PTCD1: variants seen among roughly 807,000 people sequenced by gnomAD.
PTCD1 encodes the protein pentatricopeptide repeat-containing protein 1, mitochondrial.
In PTCD1, 50 loss-of-function variants were observed where a neutral mutation model predicts 53.4. The observed-to-expected ratio is 0.94, with a 90% CI of 0.75 to 1.19. The LOEUF (loss-of-function observed/expected upper bound fraction) is 1.19. PTCD1 is among the 50% of genes most tolerant of loss of function. PTCD1 has a pLI of 0.00. For missense variants in PTCD1, 918 were observed against 904.8 expected (o/e 1.01, Z -0.19); for synonymous variants, 413 against 394.8 (o/e 1.05, Z -0.55).
In PTCD1 at chr7:99,425,131, C is replaced by T. The variant is rs920095829; in HGVS notation, c.1401G>A (p.Leu467=). ...TVTTPADRLA[L]IGGLEGFLSK... ...TCAGGAAGCCCTCCAGGCCCCCTAT[C>T]AAGGCCAGCCGGTCAGCTGGGGTGG... The change falls in exon 6 of 8, where the codon TTG becomes TTA. Residue 467 remains leucine, a synonymous_variant. Transcript: ENST00000292478. 1 of 1,614,042 alleles carries T rather than the reference C, an allele frequency of 6.2e-7. No individual in the cohort carries two copies. Among genetic ancestry groups the T allele is most frequent in the Non-Finnish European group, 8.5e-7 (1 of 1,179,948 alleles).
intron 1 of PTCD1, among the ~76,000 whole-genome samples, chr7:99,437,518 T>C (rs1456529478): frequency 6.6e-6 from 1 of 152,158 alleles, no homozygotes; most frequent in Admixed American, 6.5e-5. Flanking sequence ...TTGGCCAGGA[T>C]GGTCTGGATC....
intron 3 of PTCD1, among the ~76,000 whole-genome samples, chr7:99,432,323 C>T (rs538119345): frequency 6.6e-6 from 1 of 152,342 alleles, no homozygotes; most frequent in South Asian, 2.1e-4. Flanking sequence ...GTTCTATTTA[C>T]TGAGATAGGC....
rs200891446 is a variant in PTCD1 at position 99,423,975 on chromosome 7, C to G, written c.1738-18G>C. ...TGGGACTTCTAGAACACAGGGACAT[C>G]GTAGAATCAAGATGATGGCAGCCAT... On this transcript the variant is annotated intron_variant, in intron 6 of 7. Coordinates refer to ENST00000292478, the MANE Select transcript of PTCD1 (RefSeq NM_015545.4). 1.9e-6 allele frequency: 3 copies of G among 1,612,806 alleles called. No individual in the cohort carries two copies. Among genetic ancestry groups the G allele is most frequent in the Admixed American group, 3.3e-5 (2 of 59,760 alleles).
chr7:99,425,647 T>C, intron 5 of PTCD1, 31 bp from the exon 6 acceptor site: 2 of 1,590,064 alleles, frequency 1.3e-6, no homozygotes, highest in South Asian at 1.1e-5. Context: ...GTCAGCTGGG[T>C]GCTCCCATTC....
intron 3 of PTCD1, among the ~76,000 whole-genome samples, chr7:99,432,140 G>A (rs1796280707): frequency 6.6e-6 from 1 of 152,188 alleles, no homozygotes. Flanking sequence ...TCGTGGGAAG[G>A]GAAAGACCTG....
At chr7:99,428,087 C>A (rs1796122103) in intron 5 of PTCD1, among the ~76,000 whole-genome samples, 1 of 151,268 alleles carries the variant, frequency 6.6e-6, no homozygotes. Flanking sequence ...CAAGAAACAC[C>A]CAAGAATGAT....
rs774707652 is a variant in PTCD1, at chr7:99,435,016, G to A, written c.227C>T (p.Thr76Met). 1.1e-5 allele frequency: 18 copies of A among 1,613,918 alleles called. No individual in the cohort carries two copies. Among genetic ancestry groups the A allele is most frequent in the Admixed American group, 1.7e-5 (1 of 60,006 alleles). Reference protein sequence around the residue: ...LGSDPSHSNSTATQEEDEEEE... With the variant: ...LGSDPSHSNSMATQEEDEEEE... ...CTCCTCGTCTTCTTCCTGCGTGGCC[G>A]TGGAGTTGGAGTGGCTCGGGTCAGA... Residue 76 changes from threonine to methionine, a missense_variant, in exon 2 of 8, where the codon ACG becomes ATG. Coordinates refer to ENST00000292478, the MANE Select transcript of PTCD1 (RefSeq NM_015545.4).
intron 5 of PTCD1, among the ~76,000 whole-genome samples, chr7:99,428,585 T>C (rs1562843475): frequency 1.4e-5 from 2 of 147,254 alleles, no homozygotes; most frequent in Non-Finnish European, 3.0e-5. Context: ...CTACTAAAAA[T>C]ACAAAATTAG....
rs1370032491 is a variant in PTCD1, at chr7:99,419,235, A to G, written c.*732T>C. ...CTGGTTCTACCTTCATGAGGGAGCC[A>G]AATTTTCCCTGTCCAGAGCTGTCAA... On this transcript the variant is annotated 3_prime_UTR_variant, in exon 8 of 8. Coordinates refer to ENST00000292478, the MANE Select transcript of PTCD1 (RefSeq NM_015545.4). The G allele has an allele frequency of 8.4e-6, 7 of 833,728 alleles. 1 individual carries two copies. The East Asian group carries it at 1.3e-4, about 16-fold the overall frequency. 51.6% of individuals were successfully genotyped at this position (833,728 alleles called of 1,614,324 possible).
intron 7 of PTCD1, among the ~76,000 whole-genome samples, chr7:99,420,931 A>G (rs1375808289): frequency 6.6e-6 from 1 of 152,106 alleles, no homozygotes; most frequent in Non-Finnish European, 1.5e-5. Context: ...TGGGCGACAG[A>G]GCAAGACTCC....
Position 99,425,392 on chromosome 7 carries a change from A to G in PTCD1, c.1140T>C (p.His380=), listed in dbSNP as rs752176078. 1.9e-5 allele frequency: 30 copies of G among 1,614,048 alleles called. No homozygotes were observed. The highest frequency in any genetic ancestry group is 2.5e-5 in the Non-Finnish European group (30 of 1,180,032). ...ACAGCTGCCTCTCCAGGGCCTCCAC[A>G]TGCAGCATGGCTGACATGAGGTTGC... The part of the protein sequence containing the change: ...KAGNLMSAML[H]VEALERQLFL... The change falls in exon 6 of 8, where the codon CAT becomes CAC. Residue 380 remains histidine (H), a synonymous_variant. Transcript: ENST00000292478.
Position 99,435,276 on chromosome 7 carries a change from A to T in PTCD1, c.-26-8T>A. The T allele has an allele frequency of 6.3e-7, 1 of 1,599,910 alleles. No individual in the cohort carries two copies. Among genetic ancestry groups the T allele is most frequent in the Non-Finnish European group, 8.5e-7 (1 of 1,179,890 alleles). Reference sequence around the variant, plus strand: ...TTCCTGTCCCTCCAGGGCCTGGAATATATCAGGAAAAATAAGAGAGTCAAC... The same window carrying T: ...TTCCTGTCCCTCCAGGGCCTGGAATTTATCAGGAAAAATAAGAGAGTCAAC... On this transcript the variant is annotated splice_region_variant and splice_polypyrimidine_tract_variant and intron_variant, in intron 1 of 7. Transcript: ENST00000292478.
chr7:99,431,272 G>C (rs968339308), intron 3 of PTCD1, among the ~76,000 whole-genome samples: 1 of 151,666 alleles, frequency 6.6e-6, no homozygotes, highest in African/African-American at 2.4e-5. Context: ...TGGGACTACA[G>C]GTACGTGCCA....
chr7:99,434,063 A>C (rs1013751416), intron 2 of PTCD1, among the ~76,000 whole-genome samples: 35 of 134,672 alleles, frequency 2.6e-4, no homozygotes, highest in African/African-American at 8.7e-4. Context: ...AAAAAAAAAA[A>C]AAAACAAAAA....
chr7:99,435,122 G>A lies in PTCD1; in HGVS notation c.121C>T (p.Pro41Ser). 3 of 1,602,650 alleles carry A rather than the reference G, an allele frequency of 1.9e-6. No homozygotes were observed. The highest frequency in any genetic ancestry group is 2.6e-6 in the Non-Finnish European group (3 of 1,175,738). ...GAGCTGCTGAAGGGCGCCCACATTG[G>A]CCGCATCAGCCCCTCCCTGCCTCCT... is the stretch of plus-strand genomic sequence containing the variant. ...WAGGREGLMRPMWAPFSSSSS... is the reference protein window; with the variant it reads ...WAGGREGLMRSMWAPFSSSSS... The change falls in exon 2 of 8, where the codon CCA becomes TCA. Residue 41 changes from proline to serine, a missense_variant. Coordinates refer to ENST00000292478, the MANE Select transcript of PTCD1 (RefSeq NM_015545.4).
At chr7:99,433,152 G>A in intron 3 of PTCD1, 126 bp downstream of exon 3, 1 of 1,445,052 alleles carries the variant, frequency 6.9e-7, no homozygotes, top group Non-Finnish European at 9.7e-7. Context: ...ACCATTTTAA[G>A]GAGATGACTC....
chr7:99,419,951 TC>T lies in PTCD1; in HGVS notation c.*15del. ...GAGCACTGGGGGCCGAGCACATTGT[TC>T]CAGCTGTGCTCCCATCACCTGCCCC... On this transcript the variant is annotated 3_prime_UTR_variant, in exon 8 of 8. Transcript: ENST00000292478. 1 of 1,614,066 alleles carries T rather than the reference TC, an allele frequency of 6.2e-7. No individual in the cohort carries two copies.
intron 5 of PTCD1, among the ~76,000 whole-genome samples, chr7:99,427,555 T>C (rs1770345382): frequency 6.6e-6 from 1 of 150,916 alleles, no homozygotes; most frequent in African/African-American, 2.4e-5. Context: ...CCGCCCCTGC[T>C]GGGAAGTGAG....
chr7:99,419,350 G>T lies in PTCD1; in HGVS notation c.*617C>A. ...CATATGTGAGTGTGCAGGGGCGAGC[G>T]TGGCGCAGTGGCATCGTCTCACTGT... On this transcript the variant is annotated 3_prime_UTR_variant, in exon 8 of 8. Transcript: ENST00000292478. The T allele has an allele frequency of 6.2e-7, 1 of 1,609,772 alleles. No individual in the cohort carries two copies. The highest frequency in any genetic ancestry group is 1.1e-5 in the South Asian group (1 of 91,030).
Sources: allele counts gnomAD v4.1 joint callset (sites outside exome capture counted in the v4.1 genomes callset), GRCh38; gene constraint gnomAD v4.1.1; transcripts MANE v1.5; gene names NCBI Gene and HGNC (gene_info 2026-07-23, HGNC 2026-07-21).